Variants in CNOT10 observed in about 807,000 individuals in gnomAD.
CNOT10 encodes the protein CCR4-NOT transcription complex, subunit 10.
Under a neutral mutation model 94.6 loss-of-function variants are expected in CNOT10, and 30 were observed. The ratio of observed to expected loss-of-function variants is 0.32; its 90% CI spans 0.24 to 0.43. The LOEUF is 0.43. Among genes scored for constraint, CNOT10 ranks in the 20% least tolerant of loss-of-function variants. The pLI is 1.00. For synonymous variants in CNOT10, 289 were observed against 301.6 expected (o/e 0.96, Z 0.43); for missense variants, 759 against 877.2 (o/e 0.87, Z 1.70).
chr3:32,692,112 A>C (rs1457715437), intron 1 of CNOT10, among the ~76,000 whole-genome samples: 1 of 151,736 alleles, frequency 6.6e-6, no homozygotes, highest in East Asian at 1.9e-4. Context: ...TATAAATCCT[A>C]GCACTTTGGG....
chr3:32,758,049 G>GT (rs1700293346), intron 13 of CNOT10, among the ~76,000 whole-genome samples: 5 of 152,138 alleles, frequency 3.3e-5, no homozygotes. Context: ...TTTCTGTTGT[G>GT]TTTTTTGTAA....
At chr3:32,732,613 A>G (rs566588838) in intron 10 of CNOT10, among the ~76,000 whole-genome samples, 1 of 151,690 alleles carries the variant, frequency 6.6e-6, no homozygotes, top group Admixed American at 6.6e-5. Context: ...AAGGAAAAAA[A>G]AAAAGGTAGA....
At position 32,768,317 on chromosome 3, in the gene CNOT10, C is replaced by A. The variant is rs553199407; in HGVS notation, c.2005-1570C>A. Among the ~76,000 whole-genome samples, 12 of 152,034 alleles carry A rather than the reference C, an allele frequency of 7.9e-5. No homozygotes were observed. The South Asian group carries it at 1.7e-3, about 21-fold the overall frequency. ...ACAAAATGGGCCGGGCACAGTGGCT[C>A]ACATCTGTAATCCCAGCACTTTGGG... On this transcript the variant is annotated intron_variant, in intron 17 of 18. Transcript: ENST00000328834.
At chr3:32,764,390 A>C in intron 15 of CNOT10, 65 bp from the exon 16 acceptor site, 1 of 1,520,462 alleles carries the variant, frequency 6.6e-7, no homozygotes, top group South Asian at 1.2e-5. Context: ...TCTGAGCCCG[A>C]GGAGAAAAGA....
chr3:32,720,224 G>T lies in CNOT10; in HGVS notation c.855G>T (p.Met285Ile), dbSNP rs970986425. The T allele has an allele frequency of 4.0e-6, 6 of 1,489,590 alleles. No individual in the cohort carries two copies. The African/African-American group carries it at 8.2e-5, about 20-fold the overall frequency. 92.3% of individuals were successfully genotyped at this position (1,489,590 alleles called of 1,614,324 possible). A position where few individuals can be genotyped will look rare whatever the true frequency, so the allele number is the denominator to read the frequency against. The change falls in exon 8 of 19, where the codon ATG (methionine) becomes ATT (isoleucine). Residue 285 changes from methionine to isoleucine, a missense_variant. Coordinates refer to ENST00000328834, the MANE Select transcript of CNOT10 (RefSeq NM_015442.3). The part of the protein sequence containing the change: ...SSNIAEHPGF[M>I]KTGECLRCMF... ...ACATTGCTGAGCATCCAGGATTCAT[G>T]AAAACAGGTAAAAGAAAATTGTGAA...
intron 8 of CNOT10, among the ~76,000 whole-genome samples, chr3:32,720,548 A>C (rs1446752066): frequency 6.7e-6 from 1 of 149,944 alleles, no homozygotes; most frequent in Non-Finnish European, 1.5e-5. Context: ...TGCTGAGTGC[A>C]GTGCCACAAT....
chr3:32,708,577 T>G, intron 3 of CNOT10, 93 bp from the exon 4 acceptor site: 1 of 1,018,938 alleles, frequency 9.8e-7, no homozygotes, highest in Non-Finnish European at 1.5e-6. Flanking sequence ...ATAAGAATGT[T>G]GGCCTATGTT....
At chr3:32,740,374 G>T (rs1463916946) in intron 13 of CNOT10, among the ~76,000 whole-genome samples, 1 of 152,100 alleles carries the variant, frequency 6.6e-6, no homozygotes, top group Non-Finnish European at 1.5e-5. Flanking sequence ...CAGGGGAATC[G>T]CTTCAACCGG....
In CNOT10 at chr3:32,717,336, T is replaced by C. The variant is rs759878830; in HGVS notation, c.744+99T>C. 4.6e-6 allele frequency: 3 copies of C among 647,558 alleles called. No individual in the cohort carries two copies. The African/African-American group carries it at 5.6e-5, about 12-fold the overall frequency. 40.1% of individuals were successfully genotyped at this position (647,558 alleles called of 1,614,324 possible). On this transcript the variant is annotated intron_variant, in intron 7 of 18. Transcript: ENST00000328834. ...ATAATTTATCTTAGTCTTTTACATA[T>C]ACTGCCAGATATGAACCTTGCTATT... is the stretch of plus-strand genomic sequence containing the variant.
intron 13 of CNOT10, among the ~76,000 whole-genome samples, chr3:32,748,476 C>T (rs1364713275): frequency 1.3e-5 from 2 of 152,018 alleles, no homozygotes; most frequent in African/African-American, 4.8e-5. Flanking sequence ...AATGATTGAT[C>T]GCAATAGAAT....
chr3:32,761,808 T>C (rs1447735107), intron 14 of CNOT10, among the ~76,000 whole-genome samples: 1 of 151,098 alleles, frequency 6.6e-6, no homozygotes, highest in Non-Finnish European at 1.5e-5. Context: ...TATTTGCTCT[T>C]ATTGCCCAGG....
intron 17 of CNOT10, chr3:32,765,035 AT>A (rs145656946): frequency 2.6e-4 from 366 of 1,405,266 alleles, no homozygotes; most frequent in East Asian, 5.5e-4. Context: ...TTTAAAAAAA[AT>A]TTTTTTTTGC....
intron 13 of CNOT10, among the ~76,000 whole-genome samples, chr3:32,740,502 AC>A (rs1699413721): frequency 6.6e-6 from 1 of 152,168 alleles, no homozygotes; most frequent in Non-Finnish European, 1.5e-5. Flanking sequence ...TGACATTGAT[AC>A]AGTAAAGATA....
chr3:32,699,133 A>G lies in CNOT10; in HGVS notation c.23-4735A>G, dbSNP rs150131870. 9.5e-3 allele frequency among the ~76,000 whole-genome samples: 1,453 copies of G among 152,260 alleles called. 29 individuals carry two copies. The highest frequency in any genetic ancestry group is 0.033 in the African/African-American group (1,371 of 41,542). On this transcript the variant is annotated intron_variant, in intron 1 of 18. Coordinates refer to ENST00000328834, the MANE Select transcript of CNOT10 (RefSeq NM_015442.3). ...TCCTGTTGTCTAGGCAGTTATCAAA[A>G]AGTGCCCAGATCATAAGTGCACATA...
intron 18 of CNOT10, among the ~76,000 whole-genome samples, chr3:32,772,444 C>G (rs1347046259): frequency 6.6e-6 from 1 of 151,954 alleles, no homozygotes; most frequent in Non-Finnish European, 1.5e-5. Flanking sequence ...GCCAAGAGTT[C>G]AAGGCTATAG....
At position 32,685,333 on chromosome 3, in the gene CNOT10, C is replaced by T. The variant is rs1696548203; in HGVS notation, c.-128C>T. On this transcript the variant is annotated 5_prime_UTR_variant, in exon 1 of 19. Coordinates refer to ENST00000328834, the MANE Select transcript of CNOT10 (RefSeq NM_015442.3). The stretch of plus-strand genomic sequence containing the variant: ...CCCGCCGTCTGCCCACTCCTCTAGC[C>T]GGAACCTGGGGGCCCGGAGCCGGGG... 3.6e-6 allele frequency: 4 copies of T among 1,110,330 alleles called. No individual in the cohort carries two copies. The highest frequency in any genetic ancestry group is 3.1e-5 in the African/African-American group (2 of 64,486). The allele number at this position is 1,110,330 out of a possible 1,614,324, so 68.8% of individuals were successfully genotyped here.
chr3:32,704,619 A>T (rs553108857), intron 2 of CNOT10, among the ~76,000 whole-genome samples, 192 bp from the exon 3 acceptor site: 1 of 152,288 alleles, frequency 6.6e-6, no homozygotes, highest in East Asian at 1.9e-4. Flanking sequence ...TTTGAGTCTT[A>T]GGAAGTAAAT....
intron 1 of CNOT10, among the ~76,000 whole-genome samples, chr3:32,692,977 G>A (rs1368644041): frequency 3.9e-5 from 6 of 152,230 alleles, no homozygotes; most frequent in South Asian, 4.1e-4. Flanking sequence ...CCAGGAAGTC[G>A]AAGCTACAGT....
At chr3:32,688,003 C>T (rs968137198) in intron 1 of CNOT10, among the ~76,000 whole-genome samples, 2 of 152,052 alleles carry the variant, frequency 1.3e-5, no homozygotes, top group Non-Finnish European at 2.9e-5. Context: ...TGTGTGTGTT[C>T]TTCATCAGGT....
Sources: allele counts gnomAD v4.1 joint callset (sites outside exome capture counted in the v4.1 genomes callset), GRCh38; gene constraint gnomAD v4.1.1; transcripts MANE v1.5; gene names NCBI Gene and HGNC (gene_info 2026-07-23, HGNC 2026-07-21).